The following ANKRD12 variants were observed in gnomAD, a reference collection of about 807,000 sequenced individuals.
ANKRD12 encodes the protein ankyrin repeat domain 12, also known as ankyrin repeat domain-containing protein 12.
In ANKRD12, 85 loss-of-function variants were observed where a neutral mutation model predicts 183.4. That is an observed-to-expected ratio of 0.46 (90% confidence interval 0.39 to 0.56). The LOEUF (loss-of-function observed/expected upper bound fraction) is 0.56. ANKRD12 is among the 20% of genes least tolerant of loss of function. The probability of loss-of-function intolerance (pLI) is 0.00; values close to 1 mark genes in which losing one functional copy is unlikely to be tolerated. For missense variants in ANKRD12, 2,405 were observed against 2,357.1 expected (o/e 1.02, Z -0.42); for synonymous variants, 914 against 800.2 (o/e 1.14, Z -2.40).
chr18:9,256,767 T>C lies in ANKRD12; in HGVS notation c.3500T>C (p.Val1167Ala), dbSNP rs1163798407. ...GCTGTAAGTAACAGATCACAATCTG[T>C]TGACACCAAAAATGTAATGACTTTA... ...KDAVSNRSQS[V>A]DTKNVMTLGK... Residue 1167 changes from valine (V) to alanine (A), a missense_variant, in exon 9 of 13, where the codon GTT becomes GCT. Physicochemically the swap from Val to Ala is moderately conservative, Grantham distance 64 (BLOSUM62 0). Transcript: ENST00000262126. The C allele has an allele frequency of 6.2e-7, 1 of 1,613,854 alleles. No homozygotes were observed. The highest frequency in any genetic ancestry group is 8.5e-7 in the Non-Finnish European group (1 of 1,179,956).
At chr18:9,140,837 A>AATC (rs145042245) in intron 1 of ANKRD12, among the ~76,000 whole-genome samples, 11,370 of 152,224 alleles carry the variant, frequency 0.075, 435 homozygotes, top group African/African-American at 0.085. Flanking sequence ...AGGTACTAAT[A>AATC]ATCATAGATA....
chr18:9,164,506 G>A (rs2031819977), intron 1 of ANKRD12, among the ~76,000 whole-genome samples: 1 of 152,002 alleles, frequency 6.6e-6, no homozygotes, highest in African/African-American at 2.4e-5. Flanking sequence ...TGTTAATTTG[G>A]TATCTTCCTA....
intron 1 of ANKRD12, among the ~76,000 whole-genome samples, chr18:9,156,366 T>C (rs2030463230): frequency 2.0e-5 from 3 of 151,932 alleles, no homozygotes; most frequent in Admixed American, 6.6e-5. Flanking sequence ...AAAATTAGTA[T>C]TAGAAAGCTG....
At chr18:9,271,526 A>C (rs1228313546) in intron 10 of ANKRD12, among the ~76,000 whole-genome samples, 1 of 152,062 alleles carries the variant, frequency 6.6e-6, no homozygotes, top group Admixed American at 6.5e-5. Context: ...GTCTCAAAAA[A>C]AAAAATTTTT....
chr18:9,202,985 A>G (rs1037989641), intron 3 of ANKRD12, among the ~76,000 whole-genome samples: 3 of 152,228 alleles, frequency 2.0e-5, no homozygotes, highest in Non-Finnish European at 2.9e-5. Context: ...CTGTGGTTTA[A>G]TCTATTAAAA....
intron 1 of ANKRD12, among the ~76,000 whole-genome samples, chr18:9,142,335 G>A (rs188884174): frequency 3.3e-4 from 51 of 152,304 alleles, no homozygotes; most frequent in Middle Eastern, 3.4e-3. Context: ...GCAGAACAAG[G>A]ATTGTCAGCT....
intron 8 of ANKRD12, chr18:9,239,677 A>G: frequency 2.9e-6 from 1 of 347,636 alleles, no homozygotes; most frequent in South Asian, 2.5e-5. Flanking sequence ...CATCCAATCT[A>G]AATTCAGAAC....
chr18:9,221,348 A>G (rs1429838116), intron 7 of ANKRD12, among the ~76,000 whole-genome samples: 1 of 152,164 alleles, frequency 6.6e-6, no homozygotes, highest in Non-Finnish European at 1.5e-5. Context: ...TTGAAGTTTA[A>G]GCTTTGGAGT....
chr18:9,267,534 C>T (rs545548786), intron 10 of ANKRD12, among the ~76,000 whole-genome samples: 18 of 152,084 alleles, frequency 1.2e-4, no homozygotes, highest in East Asian at 3.9e-4. Flanking sequence ...GGGTACATAA[C>T]GAAATGAAGG....
chr18:9,263,540 G>C (rs533735054), intron 9 of ANKRD12, among the ~76,000 whole-genome samples: 7 of 152,102 alleles, frequency 4.6e-5, no homozygotes, highest in Admixed American at 6.5e-5. Flanking sequence ...GTGTCTCGCT[G>C]GAATAACTTC....
At chr18:9,179,933 TGAAA>T (rs1247418694) in intron 1 of ANKRD12, among the ~76,000 whole-genome samples, 1 of 152,264 alleles carries the variant, frequency 6.6e-6, no homozygotes, top group Non-Finnish European at 1.5e-5. Flanking sequence ...TGTGTGCTCT[TGAAA>T]GAGTATTCTG....
At chr18:9,153,165 C>T (rs1440865838) in intron 1 of ANKRD12, among the ~76,000 whole-genome samples, 3 of 152,174 alleles carry the variant, frequency 2.0e-5, no homozygotes, top group Non-Finnish European at 2.9e-5. Context: ...TGAGTGCCTA[C>T]TCAAAAGCAG....
At chr18:9,205,915 A>G (rs1281147866) in intron 4 of ANKRD12, among the ~76,000 whole-genome samples, 1 of 152,106 alleles carries the variant, frequency 6.6e-6, no homozygotes, top group Non-Finnish European at 1.5e-5. Context: ...CAAGTTCCCT[A>G]AGAAAAACAA....
intron 3 of ANKRD12, among the ~76,000 whole-genome samples, chr18:9,202,947 T>C (rs1299476365): frequency 6.6e-6 from 1 of 152,232 alleles, no homozygotes; most frequent in African/African-American, 2.4e-5. Flanking sequence ...TAAACTACAT[T>C]AATATAATTG....
chr18:9,213,108 GTATTT>G (rs993030022), intron 6 of ANKRD12, among the ~76,000 whole-genome samples: 22 of 151,746 alleles, frequency 1.4e-4, no homozygotes, highest in African/African-American at 4.6e-4. Context: ...TCTTGGTTTG[GTATTT>G]TATTTAAGAA....
chr18:9,178,758 G>A (rs191463856), intron 1 of ANKRD12, among the ~76,000 whole-genome samples: 25 of 152,210 alleles, frequency 1.6e-4, no homozygotes, highest in African/African-American at 5.3e-4. Flanking sequence ...ACATTTTAAC[G>A]ACATTGCATC....
At chr18:9,184,666 C>T (rs981262548) in intron 2 of ANKRD12, among the ~76,000 whole-genome samples, 12 of 152,096 alleles carry the variant, frequency 7.9e-5, no homozygotes, top group Non-Finnish European at 1.5e-4. Context: ...CCACCACACC[C>T]TGGCCGATGT....
intron 7 of ANKRD12, among the ~76,000 whole-genome samples, chr18:9,217,842 C>T (rs746015312): frequency 5.3e-5 from 8 of 152,168 alleles, no homozygotes; most frequent in Non-Finnish European, 1.0e-4. Context: ...TACTCTGGAA[C>T]TGCTTGTCAC....
At chr18:9,196,474 T>A (rs1406532842) in intron 3 of ANKRD12, among the ~76,000 whole-genome samples, 1 of 152,216 alleles carries the variant, frequency 6.6e-6, no homozygotes, top group Admixed American at 6.5e-5. Context: ...TGAACTGTTC[T>A]TAAAAATGTT....
Sources: allele counts gnomAD v4.1 joint callset (sites outside exome capture counted in the v4.1 genomes callset), GRCh38; gene constraint gnomAD v4.1.1; transcripts MANE v1.5; gene names NCBI Gene and HGNC (gene_info 2026-07-23, HGNC 2026-07-21).